The following MBD3 variants were observed in gnomAD, a reference collection of about 807,000 sequenced individuals.
MBD3 encodes methyl-CpG binding domain protein 3, also known as methyl-CpG-binding domain protein 3.
Under a neutral mutation model 31.2 loss-of-function variants are expected in MBD3, and 13 were observed. The ratio of observed to expected loss-of-function variants is 0.42; its 90% CI spans 0.27 to 0.66. The LOEUF is 0.66. Among genes scored for constraint, MBD3 ranks in the 30% least tolerant of loss-of-function variants. The pLI is 0.26. For missense variants in MBD3, 440 were observed against 426.5 expected, an observed-to-expected ratio of 1.03 and a Z score of -0.28; for synonymous variants, 223 against 187.4, an observed-to-expected ratio of 1.19 and a Z score of -1.55.
Position 1,578,215 on chromosome 19 carries a change from C to T in MBD3, c.*6-57G>A, listed in dbSNP as rs528069470. On this transcript the variant is annotated intron_variant, in intron 6 of 6. Transcript: ENST00000434436. The surrounding 1 kb of genome is among the most constrained non-coding windows in gnomAD (Gnocchi z 6.1). ...ACTCCACGGGACGGGGACGCTTGGG[C>T]TCTTCTAGGGAGATGGGAAGCTCTT... is the stretch of plus-strand genomic sequence containing the variant. 10 of 1,473,076 alleles carry T rather than the reference C, an allele frequency of 6.8e-6. No homozygotes were observed. Among genetic ancestry groups the T allele is most frequent in the African/African-American group, 4.2e-5 (3 of 72,248 alleles). 91.3% of individuals were successfully genotyped at this position (1,473,076 alleles called of 1,614,324 possible). A position where few individuals can be genotyped will look rare whatever the true frequency, so the allele number is the denominator to read the frequency against.
At chr19:1,581,426 G>T in intron 4 of MBD3, 157 bp from the exon 5 acceptor site, 2 of 770,206 alleles carry the variant, frequency 2.6e-6, no homozygotes, top group East Asian at 2.7e-5. Flanking sequence ...TCCCGCTTGT[G>T]TTACTACATT....
chr19:1,585,485 G>C lies in MBD3; in HGVS notation c.111-271C>G. ...CAGCCAGACCCAGAGCACTGGCCCC[G>C]ATCCTCACACCCTGGCCCTAGCCCC... On this transcript the variant is annotated intron_variant, in intron 1 of 6. Transcript: ENST00000434436. The surrounding 1 kb of genome is among the most constrained non-coding windows in gnomAD (Gnocchi z 4.1). The C allele has an allele frequency of 2.1e-6, 1 of 486,652 alleles. No homozygotes were observed. Among genetic ancestry groups the C allele is most frequent in the Non-Finnish European group, 3.8e-6 (1 of 265,166 alleles). The allele number at this position is 486,652 out of a possible 1,614,324, so 30.1% of individuals were successfully genotyped here.
Position 1,584,528 on chromosome 19 carries a change from C to A in MBD3, c.408+12G>T. The A allele has an allele frequency of 3.1e-6, 5 of 1,612,506 alleles. No homozygotes were observed. Among genetic ancestry groups the A allele is most frequent in the Non-Finnish European group, 4.2e-6 (5 of 1,179,722 alleles). On this transcript the variant is annotated intron_variant, in intron 3 of 6. Transcript: ENST00000434436. ...GGCCGGGAAGGCTGGGGTCGCTGTG[C>A]GTTGAGCTCACCTGGCGCGGCTGGT...
At position 1,573,762 on chromosome 19, in the gene MBD3, A is replaced by C. The variant is rs1474548848; in HGVS notation, c.*4402T>G. On this transcript the variant is annotated 3_prime_UTR_variant, in exon 7 of 7. Transcript: ENST00000434436. ...AAAATTAAAACTGAGCAGGGAAGGC[A>C]GTTTTGTGGTCTCATATTATTTGCC... 6.6e-6 allele frequency: 1 copy of C among 152,208 alleles called. No individual in the cohort carries two copies. Among genetic ancestry groups the C allele is most frequent in the Non-Finnish European group, 1.5e-5 (1 of 68,036 alleles). 9.4% of individuals were successfully genotyped at this position (152,208 alleles called of 1,614,324 possible). A position where few individuals can be genotyped will look rare whatever the true frequency, so the allele number is the denominator to read the frequency against.
rs955878365 is a variant in MBD3, at chr19:1,577,916, C to T, written c.*248G>A. On this transcript the variant is annotated 3_prime_UTR_variant, in exon 7 of 7. Coordinates refer to ENST00000434436, the MANE Select transcript of MBD3 (RefSeq NM_001281453.2). ...GAGCCAGGCAGGGCCCAGGAGCACC[C>T]GGCACTTCCCGAAGCCGGACTCTGT... 4.8e-5 allele frequency: 12 copies of T among 252,426 alleles called. No individual in the cohort carries two copies. The highest frequency in any genetic ancestry group is 1.5e-4 in the South Asian group (3 of 19,922). 15.6% of individuals were successfully genotyped at this position (252,426 alleles called of 1,614,324 possible).
At chr19:1,582,830 G>A in intron 3 of MBD3, 118 bp from the exon 4 acceptor site, 4 of 818,208 alleles carry the variant, frequency 4.9e-6, no homozygotes, top group Non-Finnish European at 6.2e-6. Context: ...TCCCAATGGG[G>A]CATCTCCCCT....
rs1962226739 is a variant in MBD3 at position 1,576,170 on chromosome 19, A to T, written c.*1994T>A. ...GACACAGTGGGAGATGGGAAGAGGG[A>T]AACAGAGTGTCTCTGAGTGCCGGGC... On this transcript the variant is annotated 3_prime_UTR_variant, in exon 7 of 7. Transcript: ENST00000434436. 6.6e-6 allele frequency: 1 copy of T among 152,540 alleles called. No individual in the cohort carries two copies. Among genetic ancestry groups the T allele is most frequent in the African/African-American group, 2.4e-5 (1 of 41,420 alleles). 9.4% of individuals were successfully genotyped at this position (152,540 alleles called of 1,614,324 possible). A position where few individuals can be genotyped will look rare whatever the true frequency, so the allele number is the denominator to read the frequency against.
At position 1,585,633 on chromosome 19, in the gene MBD3, T is replaced by G. The variant is rs543798480; in HGVS notation, c.111-419A>C. 936 of 239,826 alleles carry G rather than the reference T, an allele frequency of 3.9e-3. 6 individuals are homozygous for G. The highest frequency in any genetic ancestry group is 5.9e-3 in the Non-Finnish European group (707 of 120,194). 14.9% of individuals were successfully genotyped at this position (239,826 alleles called of 1,614,324 possible). A position where few individuals can be genotyped will look rare whatever the true frequency, so the allele number is the denominator to read the frequency against. On this transcript the variant is annotated intron_variant, in intron 1 of 6. Coordinates refer to ENST00000434436, the MANE Select transcript of MBD3 (RefSeq NM_001281453.2). This position sits in a 1 kb window ranked among gnomAD's most constrained non-coding sequence, Gnocchi z 4.1. Reference sequence around the variant, plus strand: ...GAGTTCGGGTACAAACGCTACTACCTACAGGGCTTTGGGCCCCGGCTCTGG... The same window carrying G: ...GAGTTCGGGTACAAACGCTACTACCGACAGGGCTTTGGGCCCCGGCTCTGG...
At chr19:1,589,344 CAAAAAAAAAAAAAAA>C (rs35111393) in intron 1 of MBD3, among the ~76,000 whole-genome samples, 1 of 65,638 alleles carries the variant, frequency 1.5e-5, no homozygotes, top group Non-Finnish European at 3.1e-5. Context: ...AACTCGGTCT[CAAAAAAAAAAAAAAA>C]AAAAAAAAAG....
At chr19:1,579,761 C>T (rs1917306334) in intron 5 of MBD3, among the ~76,000 whole-genome samples, 1 of 152,092 alleles carries the variant, frequency 6.6e-6, no homozygotes, top group African/African-American at 2.4e-5. Flanking sequence ...CATTTCAATG[C>T]CCTTTTCTAT....
chr19:1,584,403 C>G (rs1004220502), intron 3 of MBD3, 137 bp downstream of exon 3: 51 of 1,334,970 alleles, frequency 3.8e-5, no homozygotes, highest in Non-Finnish European at 5.3e-5. Flanking sequence ...TGTTTTTTGC[C>G]TCGTCATGTT....
chr19:1,589,091 G>T (rs2060692145), intron 1 of MBD3, among the ~76,000 whole-genome samples: 1 of 152,106 alleles, frequency 6.6e-6, no homozygotes, highest in African/African-American at 2.4e-5. Flanking sequence ...CAGCACTTTG[G>T]GAAGCAAAGG....
chr19:1,592,506 C>T lies in MBD3; in HGVS notation c.110+16G>A, dbSNP rs1242863670. On this transcript the variant is annotated intron_variant, in intron 1 of 6. Transcript: ENST00000434436. ...GGAGCCCGTTGAGGCCCTGCGCGGC[C>T]GGCGCGCTCATTCACCTATAGTAAA... The T allele has an allele frequency of 1.5e-6, 2 of 1,363,864 alleles. No homozygotes were observed. Among genetic ancestry groups the T allele is most frequent in the East Asian group, 4.1e-5 (1 of 24,468 alleles). The allele number at this position is 1,363,864 out of a possible 1,614,324, so 84.5% of individuals were successfully genotyped here. A position where few individuals can be genotyped will look rare whatever the true frequency, so the allele number is the denominator to read the frequency against.
intron 2 of MBD3, 86 bp from the exon 3 acceptor site, chr19:1,584,763 G>C: frequency 7.2e-7 from 1 of 1,388,026 alleles, no homozygotes; most frequent in Non-Finnish European, 9.7e-7. Flanking sequence ...GTGACCCCCT[G>C]CTTTGCCGGC....
At chr19:1,591,490 C>T (rs542116423) in intron 1 of MBD3, among the ~76,000 whole-genome samples, 1 of 152,192 alleles carries the variant, frequency 6.6e-6, no homozygotes, top group Non-Finnish European at 1.5e-5. Flanking sequence ...AACCACCCGC[C>T]CTCACCTGGG....
chr19:1,588,356 A>G (rs2060688508), intron 1 of MBD3, among the ~76,000 whole-genome samples: 1 of 152,200 alleles, frequency 6.6e-6, no homozygotes. Context: ...CAGTGGAAAG[A>G]AACCAAGAAA....
rs1468812605 is a variant in MBD3 at position 1,574,711 on chromosome 19, G to A, written c.*3453C>T. 1.3e-5 allele frequency: 2 copies of A among 155,278 alleles called. No homozygotes were observed. Among genetic ancestry groups the A allele is most frequent in the Non-Finnish European group, 2.9e-5 (2 of 69,836 alleles). 9.6% of individuals were successfully genotyped at this position (155,278 alleles called of 1,614,324 possible). A position where few individuals can be genotyped will look rare whatever the true frequency, so the allele number is the denominator to read the frequency against. ...CTACCAGAAAGCTGAGTCTTGCTCC[G>A]GTATGGCCCTGTCCGAAAGAACGTT... On this transcript the variant is annotated 3_prime_UTR_variant, in exon 7 of 7. Transcript: ENST00000434436.
intron 3 of MBD3, among the ~76,000 whole-genome samples, chr19:1,584,268 G>A (rs1165994050): frequency 6.6e-6 from 1 of 152,116 alleles, no homozygotes; most frequent in Non-Finnish European, 1.5e-5. Context: ...CCAGGCTGGA[G>A]TGCAGTGGTG....
chr19:1,578,372 G>GCTCCTC lies in MBD3; in HGVS notation c.838_843dup (p.Glu280_Glu281dup), dbSNP rs371220154. ...TGCTCCATCTCCGGGTCCGGGTCGG[G>GCTCCTC]CTCCTCCTCCTCCTCCTCCTCGTCT... On this transcript the variant is annotated inframe_insertion, in exon 6 of 7. Transcript: ENST00000434436. The surrounding 1 kb of genome is among the most constrained non-coding windows in gnomAD (Gnocchi z 6.1). 7.5e-6 allele frequency: 12 copies of GCTCCTC among 1,600,928 alleles called. No individual in the cohort carries two copies. The highest frequency in any genetic ancestry group is 4.5e-5 in the East Asian group (2 of 44,696).
Sources: allele counts gnomAD v4.1 joint callset (sites outside exome capture counted in the v4.1 genomes callset), GRCh38; gene constraint gnomAD v4.1.1; non-coding constraint Gnocchi (gnomAD v3.1); transcripts MANE v1.5; gene names NCBI Gene and HGNC (gene_info 2026-07-23, HGNC 2026-07-21).